Variants in COL5A2 observed in about 807,000 individuals in gnomAD.
The protein encoded by COL5A2 is collagen alpha-2(V) chain.
COL5A2 carries 23 observed loss-of-function variants against 208.2 expected under a neutral mutation model. The observed-to-expected ratio is 0.11, with a 90% CI of 0.08 to 0.16. COL5A2 has a LOEUF of 0.16. COL5A2 is among the 10% of genes least tolerant of loss of function. COL5A2 has a pLI of 1.00. For synonymous variants in COL5A2, 625 were observed against 628.5 expected (o/e 0.99, Z 0.08); for missense variants, 1,590 against 1,956.4 (o/e 0.81, Z 3.53).
chr2:189,428,058 G>A, the COL5A2 span, among the ~76,000 whole-genome samples: 3 of 152,158 alleles, frequency 2.0e-5, no homozygotes, highest in African/African-American at 7.2e-5. Context: ...GTGGACTTTC[G>A]AGTTAATGCT....
chr2:189,347,290 A>G, the COL5A2 span, among the ~76,000 whole-genome samples: 1 of 152,206 alleles, frequency 6.6e-6, no homozygotes, highest in South Asian at 2.1e-4. Context: ...CATGAGAATT[A>G]TGGGGACGCT....
chr2:189,427,687 G>C, the COL5A2 span, among the ~76,000 whole-genome samples: 1 of 152,224 alleles, frequency 6.6e-6, no homozygotes, highest in African/African-American at 2.4e-5. Flanking sequence ...CCCACCTTTT[G>C]TACCAGCATG....
At chr2:189,414,125 T>A in the COL5A2 span, among the ~76,000 whole-genome samples, 2 of 152,088 alleles carry the variant, frequency 1.3e-5, no homozygotes, top group African/African-American at 4.8e-5. Flanking sequence ...GCTATATTGA[T>A]TTATTTTCAA....
At chr2:189,351,895 G>T in the COL5A2 span, among the ~76,000 whole-genome samples, 4 of 152,148 alleles carry the variant, frequency 2.6e-5, no homozygotes, top group South Asian at 8.3e-4. Flanking sequence ...TGCCATGGTG[G>T]TTTGCTGCAC....
At chr2:189,125,449 A>G (rs1406512183) in intron 1 of COL5A2, among the ~76,000 whole-genome samples, 1 of 152,092 alleles carries the variant, frequency 6.6e-6, no homozygotes, top group Non-Finnish European at 1.5e-5. Context: ...ACAGGTTTGA[A>G]CTGCATGGGT....
chr2:189,179,242 C>T (rs1034329329), intron 1 of COL5A2, among the ~76,000 whole-genome samples: 1 of 152,096 alleles, frequency 6.6e-6, no homozygotes, highest in Admixed American at 6.5e-5. Flanking sequence ...TTTAAACGTC[C>T]CACTCTCACA....
chr2:189,191,427 G>C (rs1019433521), intron 1 of COL5A2, among the ~76,000 whole-genome samples: 6 of 152,130 alleles, frequency 3.9e-5, no homozygotes, highest in Admixed American at 2.0e-4. Flanking sequence ...GATCACCTGA[G>C]GTCAGGAGTT....
the COL5A2 span, among the ~76,000 whole-genome samples, chr2:189,238,285 C>T: frequency 9.2e-5 from 14 of 152,038 alleles, no homozygotes; most frequent in African/African-American, 1.9e-4. Flanking sequence ...CACTGAGCAT[C>T]GCCATCTTGT....
chr2:189,332,971 T>A, the COL5A2 span, among the ~76,000 whole-genome samples: 3 of 152,152 alleles, frequency 2.0e-5, no homozygotes, highest in African/African-American at 7.2e-5. Flanking sequence ...AACTCATGGA[T>A]CAAAAGAGAA....
intron 45 of COL5A2, among the ~76,000 whole-genome samples, chr2:189,046,671 A>G (rs1685674467): frequency 6.6e-6 from 1 of 152,324 alleles, no homozygotes; most frequent in Non-Finnish European, 1.5e-5. Flanking sequence ...ATTTGACTTG[A>G]AAAATTGAGT....
At chr2:189,228,201 G>A (rs1284971831), upstream of COL5A2, among the ~76,000 whole-genome samples, 1 of 151,576 alleles carries the variant, frequency 6.6e-6, no homozygotes, top group African/African-American at 2.4e-5. Context: ...AAATGCCTAC[G>A]TTAAAAAAGA....
At chr2:189,274,383 G>A in the COL5A2 span, among the ~76,000 whole-genome samples, 4 of 152,092 alleles carry the variant, frequency 2.6e-5, no homozygotes, top group Non-Finnish European at 5.9e-5. Context: ...ACAACACATA[G>A]CATTTCACTT....
chr2:189,336,848 C>A, the COL5A2 span, among the ~76,000 whole-genome samples: 1 of 152,162 alleles, frequency 6.6e-6, no homozygotes, highest in African/African-American at 2.4e-5. Flanking sequence ...TCTAAGTACA[C>A]TACTCCTTTA....
chr2:189,226,992 A>G (rs1182103928), upstream of COL5A2, among the ~76,000 whole-genome samples: 1 of 152,154 alleles, frequency 6.6e-6, no homozygotes, highest in Non-Finnish European at 1.5e-5. Context: ...TGAACTTCTG[A>G]AAAAAGGAAA....
rs568113560 is a variant in COL5A2 at position 189,041,388 on chromosome 2, T to C, written c.3633+198A>G. Among the ~76,000 whole-genome samples, 4 of 152,332 alleles carry C rather than the reference T, an allele frequency of 2.6e-5. No homozygotes were observed. The South Asian group carries it at 8.3e-4, about 32-fold the overall frequency. ...CACATTATGTTAATGTCTGGGTAGG[T>C]TGGACTCTGATTTTATGTGCTCTAA... is the stretch of plus-strand genomic sequence containing the variant. On this transcript the variant is annotated intron_variant, in intron 50 of 53. Transcript: ENST00000374866.
At chr2:189,167,631 A>C (rs1357830515) in intron 1 of COL5A2, among the ~76,000 whole-genome samples, 4 of 151,582 alleles carry the variant, frequency 2.6e-5, no homozygotes, top group African/African-American at 4.9e-5. Flanking sequence ...TCAAAACTTA[A>C]GGAAAAATAG....
chr2:189,365,797 G>A, the COL5A2 span, among the ~76,000 whole-genome samples: 69 of 152,300 alleles, frequency 4.5e-4, 1 homozygote, highest in African/African-American at 1.6e-3. Flanking sequence ...TTGATGGTTT[G>A]CATCTGGTTT....
chr2:189,097,608 T>C (rs1311180387), intron 5 of COL5A2: 7 of 607,144 alleles, frequency 1.2e-5, no homozygotes, highest in African/African-American at 1.1e-4. Flanking sequence ...TGACTAGTAA[T>C]TGCAAATTTT....
At chr2:189,109,759 T>C (rs1687223625) in intron 2 of COL5A2, among the ~76,000 whole-genome samples, 2 of 152,218 alleles carry the variant, frequency 1.3e-5, no homozygotes, top group South Asian at 4.1e-4. Flanking sequence ...GCATTCTGCA[T>C]TTAAGAGCCA....
Sources: gnomAD v4.1 joint callset for allele counts (sites outside exome capture counted in the v4.1 genomes callset) on GRCh38, gnomAD v4.1.1 for gene constraint, MANE v1.5 for transcripts, NCBI Gene and HGNC (gene_info 2026-07-23, HGNC 2026-07-21) for gene names.